ZNF3: variants seen among roughly 807,000 people sequenced by gnomAD.
ZNF3 encodes C2-H2 type zinc finger protein.
In ZNF3, 16 loss-of-function variants were observed where a neutral mutation model predicts 36.9. That is an observed-to-expected ratio of 0.43 (90% CI 0.29 to 0.66). ZNF3 has a LOEUF of 0.66. Ranked by LOEUF, ZNF3 falls within the 30% of genes least tolerant of loss-of-function variation. The pLI, the probability that ZNF3 is intolerant of heterozygous loss-of-function variation, is 0.13. For synonymous variants in ZNF3, 201 were observed against 201.9 expected (o/e 1.00, Z 0.04); for missense variants, 462 against 543.1 (o/e 0.85, Z 1.48).
chr7:100,063,906 A>G (rs1792479160), downstream of ZNF3: 1 of 1,614,090 alleles, frequency 6.2e-7, no homozygotes, highest in Non-Finnish European at 8.5e-7. Context: ...AGGCCAGCTT[A>G]GAGAGGCAGT....
At chr7:100,075,327 C>G in intron 4 of ZNF3, 66 bp from the exon 5 acceptor site, 1 of 1,611,936 alleles carries the variant, frequency 6.2e-7, no homozygotes. Context: ...CCAAAAAAAT[C>G]ACTGAGGATG....
chr7:100,064,104 AC>A (rs1792498921), exon 6 of ZNF3: 1 of 1,613,376 alleles, frequency 6.2e-7, no homozygotes, highest in African/African-American at 1.3e-5. Flanking sequence ...CTGGGGAGAA[AC>A]CTTACGTGTG....
intron 4 of ZNF3, 101 bp from the exon 5 acceptor site, chr7:100,075,362 G>T: frequency 6.3e-7 from 1 of 1,591,586 alleles, no homozygotes; most frequent in East Asian, 2.2e-5. Flanking sequence ...CATTTGGGAA[G>T]GGAGGAAGGG....
At chr7:100,066,964 G>C (rs1226287156), downstream of ZNF3, among the ~76,000 whole-genome samples, 1 of 152,178 alleles carries the variant, frequency 6.6e-6, no homozygotes, top group Non-Finnish European at 1.5e-5. Flanking sequence ...CAACCTAGGA[G>C]GCAGAGGTTG....
In ZNF3 at chr7:100,070,907, A is replaced by G; in HGVS notation, c.*236T>C. ...AGTTTAGTGCAAACTCCTTTCCTAA[A>G]TGGGGTAACTGGTCCCAGAGCTGCT... On this transcript the variant is annotated 3_prime_UTR_variant, in exon 6 of 6. Coordinates refer to ENST00000299667, the MANE Select transcript of ZNF3 (RefSeq NM_032924.5). 3.0e-6 allele frequency: 4 copies of G among 1,314,798 alleles called. No individual in the cohort carries two copies. Among genetic ancestry groups the G allele is most frequent in the Non-Finnish European group, 3.9e-6 (4 of 1,035,158 alleles). 81.4% of individuals were successfully genotyped at this position (1,314,798 alleles called of 1,614,324 possible). A position where few individuals can be genotyped will look rare whatever the true frequency, so the allele number is the denominator to read the frequency against.
rs1183362864 is a variant in ZNF3, at chr7:100,075,582, T to C, written c.104A>G (p.Asp35Gly). 6.2e-7 allele frequency: 1 copy of C among 1,613,974 alleles called. No homozygotes were observed. Among genetic ancestry groups the C allele is most frequent in the East Asian group, 2.2e-5 (1 of 44,876 alleles). Residue 35 changes from aspartate to glycine, a missense_variant, in exon 4 of 6, where the codon GAT becomes GGT. Asp to Gly is a moderately conservative substitution (Grantham distance 94). Coordinates refer to ENST00000299667, the MANE Select transcript of ZNF3 (RefSeq NM_032924.5). ...PAFSDKDSLGDEMLAAALLKA... is the reference protein window; with the variant it reads ...PAFSDKDSLGGEMLAAALLKA... ...TAGGAGCGCAGCCGCCAACATCTCA[T>C]CCCCCAGGCTGTCCTTGTCGGAAAA...
At chr7:100,064,602 G>T (rs1202646586) in exon 6 of ZNF3, 1 of 1,613,540 alleles carries the variant, frequency 6.2e-7, no homozygotes, top group Admixed American at 1.7e-5. Flanking sequence ...ACACTGGAGA[G>T]GGAGAAGCAC....
chr7:100,073,738 G>A (rs1793598054), intron 5 of ZNF3, among the ~76,000 whole-genome samples: 1 of 152,162 alleles, frequency 6.6e-6, no homozygotes, highest in Admixed American at 6.6e-5. Flanking sequence ...TAGAGAAGGG[G>A]AGCAGAGAAG....
chr7:100,072,771 C>T (rs191808731), intron 5 of ZNF3, among the ~76,000 whole-genome samples: 4 of 152,274 alleles, frequency 2.6e-5, no homozygotes, highest in Non-Finnish European at 4.4e-5. Context: ...CAACTGAGTC[C>T]GCCTCTGGGC....
chr7:100,079,383 T>C lies in ZNF3; in HGVS notation c.-77+153A>G, dbSNP rs536759073. On this transcript the variant is annotated intron_variant, in intron 2 of 5. Transcript: ENST00000299667. ...AGTGTCCAGATCAGTAAACAGCGTT[T>C]CTCACAGAAAGAAAACTCTCCATTG... 5.9e-5 allele frequency among the ~76,000 whole-genome samples: 9 copies of C among 152,308 alleles called. No individual in the cohort carries two copies. The South Asian group carries it at 1.7e-3, about 28-fold the overall frequency.
chr7:100,071,302 G>T lies in ZNF3; in HGVS notation c.1182C>A (p.Asn394Lys), dbSNP rs1793101476. The change falls in exon 6 of 6, where the codon AAC (asparagine) becomes AAA (lysine). Residue 394 changes from asparagine to lysine, a missense_variant. By Grantham distance (94) the Asn-to-Lys change is moderately conservative (BLOSUM62 0). Transcript: ENST00000299667. The part of the protein sequence containing the change: ...IQHQRIHTGE[N>K]PYECSECGKA... ...TCCCACACTCACTACATTCATAGGG[G>T]TTCTCCCCGGTGTGGATTCTTTGAT... The T allele has an allele frequency of 1.2e-6, 2 of 1,613,856 alleles. No homozygotes were observed. The highest frequency in any genetic ancestry group is 1.7e-6 in the Non-Finnish European group (2 of 1,179,926).
chr7:100,077,303 C>T lies in ZNF3; in HGVS notation c.55G>A (p.Ala19Thr), dbSNP rs1368327539. Residue 19 changes from alanine to threonine, a missense_variant and splice_region_variant, in exon 3 of 6, where the codon GCT (alanine) becomes ACT (threonine). Coordinates refer to ENST00000299667, the MANE Select transcript of ZNF3 (RefSeq NM_032924.5). ...GAATGAATGAGTCCTTATTCCTCAC[C>T]ACTGTCAAGCAGGGCCTGAGGTTCC... is the stretch of plus-strand genomic sequence containing the variant. ...SQEPQALLDS[A>T]LPSKVPAFSD... 6.2e-7 allele frequency: 1 copy of T among 1,613,742 alleles called. No homozygotes were observed. The highest frequency in any genetic ancestry group is 8.5e-7 in the Non-Finnish European group (1 of 1,179,922).
At chr7:100,077,125 T>C in intron 3 of ZNF3, 178 bp downstream of exon 3, 2 of 652,800 alleles carry the variant, frequency 3.1e-6, no homozygotes, top group South Asian at 3.9e-5. Context: ...CCTATCAAGC[T>C]GTCATTGATT....
rs778178224 is a variant in ZNF3, at chr7:100,071,833, T to C, written c.651A>G (p.Gln217=). 3.1e-6 allele frequency: 5 copies of C among 1,613,930 alleles called. No individual in the cohort carries two copies. Among genetic ancestry groups the C allele is most frequent in the East Asian group, 2.2e-5 (1 of 44,894 alleles). The change falls in exon 6 of 6, where the codon CAA becomes CAG. Residue 217 remains glutamine, a synonymous_variant. Coordinates refer to ENST00000299667, the MANE Select transcript of ZNF3 (RefSeq NM_032924.5). ...TTTCCCCAGTGTGGATTCTCTGATG[T>C]TGAATAAGGTCTGAAGTTCGATTAA... ...KSFNRTSDLI[Q]HQRIHTGEKP... is the part of the protein sequence containing the mutation.
At chr7:100,072,932 AATTG>A (rs1364347021) in intron 5 of ZNF3, among the ~76,000 whole-genome samples, 2 of 152,186 alleles carry the variant, frequency 1.3e-5, no homozygotes, top group Non-Finnish European at 2.9e-5. Context: ...TTTTTAGCTT[AATTG>A]ATATTTTAAA....
At chr7:100,075,099 A>T (rs761892384) in intron 5 of ZNF3, 36 bp downstream of exon 5, 8 of 1,556,664 alleles carry the variant, frequency 5.1e-6, no homozygotes, top group Non-Finnish European at 7.0e-6. Context: ...GCAAAGAAAC[A>T]CCAGCGAGTT....
In ZNF3 at chr7:100,081,441, G is replaced by A. The variant is rs1240403520; in HGVS notation, c.-198+194C>T. 6.6e-6 allele frequency among the ~76,000 whole-genome samples: 1 copy of A among 152,216 alleles called. No homozygotes were observed. Among genetic ancestry groups the A allele is most frequent in the Non-Finnish European group, 1.5e-5 (1 of 68,036 alleles). ...AGCCCCATTACTAACCCCTACGCAG[G>A]ATCCCGCTAGGCTAGGGGGATCCCT... On this transcript the variant is annotated intron_variant, in intron 1 of 5. Transcript: ENST00000299667. The surrounding 1 kb of genome is among the most constrained non-coding windows in gnomAD (Gnocchi z 4.3).
rs1432536934 is a variant in ZNF3 at position 100,072,015 on chromosome 7, G to C, written c.469C>G (p.Gln157Glu). Residue 157 changes from glutamine (Q) to glutamate (E), a missense_variant, in exon 6 of 6, where the codon CAA (glutamine) becomes GAA (glutamate). By Grantham distance (29) the Gln-to-Glu change is conservative. Transcript: ENST00000299667. ...GTTAGCTTCTCCTCAACTGTCACTT[G>C]ACCAAAATCTGGCATTTTCCTGTTC... ...RLNRKMPDFG[Q>E]VTVEEKLTPR... 1 of 1,613,968 alleles carries C rather than the reference G, an allele frequency of 6.2e-7. No individual in the cohort carries two copies. The highest frequency in any genetic ancestry group is 1.1e-5 in the South Asian group (1 of 91,008).
chr7:100,065,434 AAAAT>A (rs910361218), downstream of ZNF3, among the ~76,000 whole-genome samples: 7 of 152,018 alleles, frequency 4.6e-5, no homozygotes, highest in Non-Finnish European at 8.8e-5. Context: ...AAAAAAAAAA[AAAAT>A]AAAGCGAATG....
Sources: gnomAD v4.1 joint callset for allele counts (sites outside exome capture counted in the v4.1 genomes callset) on GRCh38, gnomAD v4.1.1 for gene constraint, Gnocchi (gnomAD v3.1) non-coding constraint, MANE v1.5 for transcripts, NCBI Gene and HGNC (gene_info 2026-07-23, HGNC 2026-07-21) for gene names.